TBC1D19: variants seen among roughly 807,000 people sequenced by gnomAD.
TBC1D19 encodes TBC1 domain family, member 19.
In TBC1D19, 60 loss-of-function variants were observed where a neutral mutation model predicts 89.0. That is an observed-to-expected ratio of 0.67 (90% CI 0.55 to 0.84). The LOEUF (loss-of-function observed/expected upper bound fraction) is 0.84. Among genes scored for constraint, TBC1D19 ranks in the 40% least tolerant of loss-of-function variants. TBC1D19 has a pLI of 0.00. For missense variants in TBC1D19, 500 were observed against 610.8 expected, an observed-to-expected ratio of 0.82 and a Z score of 1.91; for synonymous variants, 189 against 199.7, an observed-to-expected ratio of 0.95 and a Z score of 0.45.
chr4:26,685,023 C>T (rs967631555), intron 12 of TBC1D19, among the ~76,000 whole-genome samples: 2 of 152,172 alleles, frequency 1.3e-5, no homozygotes, highest in Non-Finnish European at 2.9e-5. Flanking sequence ...GGTAGACCCA[C>T]TCAAAATTTT....
At chr4:26,854,583 T>A in the TBC1D19 span, among the ~76,000 whole-genome samples, 1 of 152,212 alleles carries the variant, frequency 6.6e-6, no homozygotes. Flanking sequence ...GATGTTTCAA[T>A]CTTCCTTGGA....
chr4:26,819,838 A>G, the TBC1D19 span, among the ~76,000 whole-genome samples: 1 of 152,090 alleles, frequency 6.6e-6, no homozygotes, highest in African/African-American at 2.4e-5. Context: ...GCCTCTTGCT[A>G]TTCCTCAAGC....
intron 12 of TBC1D19, among the ~76,000 whole-genome samples, chr4:26,686,680 C>T (rs1349238103): frequency 6.6e-6 from 1 of 152,096 alleles, no homozygotes; most frequent in African/African-American, 2.4e-5. Context: ...TTTTCATGCC[C>T]ACAGAGGCAA....
At chr4:26,835,234 T>G in the TBC1D19 span, among the ~76,000 whole-genome samples, 4 of 152,112 alleles carry the variant, frequency 2.6e-5, no homozygotes, top group African/African-American at 4.8e-5. Flanking sequence ...CTACTGGCTT[T>G]GAAGATGGAG....
At chr4:26,621,340 C>T (rs1338678531) in intron 4 of TBC1D19, among the ~76,000 whole-genome samples, 4 of 152,204 alleles carry the variant, frequency 2.6e-5, no homozygotes, top group African/African-American at 9.7e-5. Flanking sequence ...GTCCGTAAGC[C>T]TTCCTCACAG....
chr4:26,777,972 C>A, the TBC1D19 span, among the ~76,000 whole-genome samples: 1 of 151,416 alleles, frequency 6.6e-6, no homozygotes, highest in Admixed American at 6.6e-5. Context: ...ACTGAGGAGG[C>A]TGAGGTGGGG....
intron 15 of TBC1D19, among the ~76,000 whole-genome samples, chr4:26,727,742 TC>T (rs550617318): frequency 1.8e-3 from 272 of 152,360 alleles, no homozygotes; most frequent in African/African-American, 6.2e-3. Context: ...CATTGAGTTA[TC>T]AAAAGCCTTC....
chr4:26,620,157 G>A (rs1286382318), intron 3 of TBC1D19, among the ~76,000 whole-genome samples: 2 of 152,066 alleles, frequency 1.3e-5, no homozygotes, highest in African/African-American at 4.8e-5. Flanking sequence ...GAATTCTTGT[G>A]CTTGCCATCC....
At chr4:26,589,052 A>C (rs1192050522) in intron 1 of TBC1D19, among the ~76,000 whole-genome samples, 1 of 152,102 alleles carries the variant, frequency 6.6e-6, no homozygotes, top group East Asian at 1.9e-4. Context: ...AGGTGGGCAA[A>C]TCACTTAAGG....
Position 26,735,031 on chromosome 4 carries a change from T to C in TBC1D19, c.1085-424T>C, listed in dbSNP as rs141748923. On this transcript the variant is annotated intron_variant, in intron 15 of 20. Coordinates refer to ENST00000264866, the MANE Select transcript of TBC1D19 (RefSeq NM_018317.4). ...ATGTATATGTGTATACACATGTATA[T>C]ATGTATATGTGTACACACATGTATA... is the stretch of plus-strand genomic sequence containing the variant. 2.0e-4 allele frequency among the ~76,000 whole-genome samples: 30 copies of C among 151,490 alleles called. No individual in the cohort carries two copies. The East Asian group carries it at 2.5e-3, about 13-fold the overall frequency.
chr4:26,664,316 T>C (rs1711591902), intron 8 of TBC1D19, among the ~76,000 whole-genome samples: 1 of 152,202 alleles, frequency 6.6e-6, no homozygotes, highest in Non-Finnish European at 1.5e-5. Context: ...CCATGTCTGC[T>C]GACATTGAGT....
At chr4:26,712,462 C>T (rs960415665) in intron 13 of TBC1D19, among the ~76,000 whole-genome samples, 2 of 152,050 alleles carry the variant, frequency 1.3e-5, no homozygotes, top group Non-Finnish European at 2.9e-5. Context: ...GACTTTGACC[C>T]TGCTGCTTCT....
intron 18 of TBC1D19, 68 bp downstream of exon 18, chr4:26,742,667 GAGCAC>G: frequency 8.1e-7 from 1 of 1,237,384 alleles, no homozygotes; most frequent in East Asian, 2.4e-5. Context: ...CCTCATTGCA[GAGCAC>G]TTGCAAATAC....
Position 26,755,400 on chromosome 4 carries a change from T to A in TBC1D19, c.*453T>A, listed in dbSNP as rs1021544263. On this transcript the variant is annotated 3_prime_UTR_variant, in exon 21 of 21. Transcript: ENST00000264866. ...TCCTCACTAAGAGCCAGGGGTGGGGTAGGGTGTGAGAACACTTGAAAAAGA... is the reference window on the plus strand; with the variant it reads ...TCCTCACTAAGAGCCAGGGGTGGGGAAGGGTGTGAGAACACTTGAAAAAGA... The A allele has an allele frequency of 3.9e-5, 6 of 152,242 alleles. No individual in the cohort carries two copies. The highest frequency in any genetic ancestry group is 8.8e-5 in the Non-Finnish European group (6 of 67,978). 9.4% of individuals were successfully genotyped at this position (152,242 alleles called of 1,614,324 possible). A position where few individuals can be genotyped will look rare whatever the true frequency, so the allele number is the denominator to read the frequency against.
chr4:26,614,672 T>C (rs1282370629), intron 3 of TBC1D19, among the ~76,000 whole-genome samples: 2 of 152,114 alleles, frequency 1.3e-5, no homozygotes, highest in African/African-American at 4.8e-5. Context: ...CCACCCACTA[T>C]TGAATTTTTT....
chr4:26,812,866 A>G, the TBC1D19 span, among the ~76,000 whole-genome samples: 1 of 151,962 alleles, frequency 6.6e-6, no homozygotes, highest in Non-Finnish European at 1.5e-5. The surrounding 1 kb of genome is among the most constrained non-coding windows in gnomAD (Gnocchi z 4.2). Context: ...ATAGTAAAAG[A>G]AAGACTATAC....
the TBC1D19 span, among the ~76,000 whole-genome samples, chr4:26,798,685 A>G: frequency 3.9e-5 from 6 of 151,912 alleles, no homozygotes; most frequent in Non-Finnish European, 7.4e-5. Flanking sequence ...ATACCATGGA[A>G]TACTAGATAG....
intron 13 of TBC1D19, among the ~76,000 whole-genome samples, chr4:26,702,973 C>T (rs566413672): frequency 1.3e-5 from 2 of 152,256 alleles, no homozygotes; most frequent in South Asian, 4.1e-4. Flanking sequence ...TCTGTGACTG[C>T]CTTATTTCAT....
At chr4:26,593,504 T>A (rs1220440398) in intron 1 of TBC1D19, among the ~76,000 whole-genome samples, 1 of 152,234 alleles carries the variant, frequency 6.6e-6, no homozygotes, top group Non-Finnish European at 1.5e-5. Flanking sequence ...CTAATTAAAC[T>A]AAAGAGCTTC....
Sources: gnomAD v4.1 joint callset for allele counts (sites outside exome capture counted in the v4.1 genomes callset) on GRCh38, gnomAD v4.1.1 for gene constraint, Gnocchi (gnomAD v3.1) non-coding constraint, MANE v1.5 for transcripts, NCBI Gene and HGNC (gene_info 2026-07-23, HGNC 2026-07-21) for gene names.